Variants in ZFHX3 observed in about 807,000 individuals in gnomAD.
The protein encoded by ZFHX3 is zinc finger homeobox 3, also known as zinc finger homeobox protein 3.
Under a neutral mutation model 279.1 loss-of-function variants are expected in ZFHX3, and 42 were observed. That is an observed-to-expected ratio of 0.15 (90% CI 0.12 to 0.19). ZFHX3 has a LOEUF of 0.19. Among genes scored for constraint, ZFHX3 ranks in the 10% least tolerant of loss-of-function variants. ZFHX3 has a pLI of 1.00. For missense variants in ZFHX3, 4,981 were observed against 4,754.0 expected (o/e 1.05, Z -1.40); for synonymous variants, 2,293 against 1,957.8 (o/e 1.17, Z -4.52).
chr16:72,882,187 T>C (rs891644774), intron 4 of ZFHX3, among the ~76,000 whole-genome samples: 4 of 150,220 alleles, frequency 2.7e-5, no homozygotes, highest in Non-Finnish European at 4.4e-5. Flanking sequence ...TTTTTTTTTT[T>C]TTTTGCTGTG....
intron 3 of ZFHX3, among the ~76,000 whole-genome samples, chr16:73,455,512 A>C (rs960872171): frequency 2.6e-5 from 4 of 152,124 alleles, no homozygotes; most frequent in Non-Finnish European, 4.4e-5. Flanking sequence ...CTGAAGAGAG[A>C]CCCAGGATGT....
intron 1 of ZFHX3, among the ~76,000 whole-genome samples, chr16:73,770,408 G>A (rs537186971): frequency 6.6e-6 from 1 of 152,286 alleles, no homozygotes; most frequent in East Asian, 1.9e-4. Context: ...CTAAAGTCCA[G>A]AACTATATAA....
chr16:73,695,319 T>G (rs1316178916), intron 1 of ZFHX3, among the ~76,000 whole-genome samples: 1 of 148,622 alleles, frequency 6.7e-6, no homozygotes, highest in Non-Finnish European at 1.5e-5. Context: ...CACTGCAACC[T>G]CCACCTCCCC....
intron 3 of ZFHX3, among the ~76,000 whole-genome samples, chr16:73,327,386 A>T (rs2015711921): frequency 6.6e-6 from 1 of 152,160 alleles, no homozygotes; most frequent in Non-Finnish European, 1.5e-5. Flanking sequence ...TACCCTTCAA[A>T]GAGTCAGTCC....
chr16:73,202,385 A>G (rs2011637934), intron 5 of ZFHX3, among the ~76,000 whole-genome samples: 1 of 152,260 alleles, frequency 6.6e-6, no homozygotes, highest in African/African-American at 2.4e-5. Context: ...GAAGAGAAAT[A>G]TGAAGCCTGA....
intron 7 of ZFHX3, among the ~76,000 whole-genome samples, chr16:73,115,603 C>T (rs1966423046): frequency 1.3e-5 from 2 of 152,126 alleles, no homozygotes; most frequent in African/African-American, 4.8e-5. Flanking sequence ...CTTCTAGCAT[C>T]TCCTTGCTTC....
chr16:73,295,170 G>T (rs1412402111), intron 4 of ZFHX3, among the ~76,000 whole-genome samples: 1 of 152,128 alleles, frequency 6.6e-6, no homozygotes, highest in African/African-American at 2.4e-5. Flanking sequence ...AGCTGAGATC[G>T]CGCCACTGCA....
intron 3 of ZFHX3, among the ~76,000 whole-genome samples, chr16:72,917,595 C>G (rs2039473493): frequency 6.6e-6 from 1 of 152,110 alleles, no homozygotes; most frequent in Non-Finnish European, 1.5e-5. Flanking sequence ...CTAGTGACAT[C>G]CAAAAAAGGT....
intron 1 of ZFHX3, among the ~76,000 whole-genome samples, chr16:73,747,383 C>CA (rs1212301266): frequency 6.6e-6 from 1 of 151,798 alleles, no homozygotes; most frequent in Non-Finnish European, 1.5e-5. Flanking sequence ...ACTCTATCTC[C>CA]AAAAAAGAAA....
Position 73,156,211 on chromosome 16 carries a change from G to A in ZFHX3, c.-1103-12380C>T, listed in dbSNP as rs560253366. Among the ~76,000 whole-genome samples the A allele has an allele frequency of 4.6e-5, 6 of 131,238 alleles. No homozygotes were observed. In the East Asian group the frequency reaches 8.8e-4, roughly 19 times the overall value. 86.1% of individuals were successfully genotyped at this position (131,238 alleles called of 152,430 possible). Reference sequence around the variant, plus strand: ...CGCACCACTGCACTCCAGCCTGGGCGACAGAGTGAGACTCCCTCTCAAAAA... The same window carrying A: ...CGCACCACTGCACTCCAGCCTGGGCAACAGAGTGAGACTCCCTCTCAAAAA... On this transcript the variant is annotated intron_variant, in intron 5 of 17. Transcript: ENST00000641206.
intron 1 of ZFHX3, among the ~76,000 whole-genome samples, chr16:73,713,562 T>A (rs2053385459): frequency 2.0e-5 from 3 of 151,796 alleles, no homozygotes; most frequent in Admixed American, 2.0e-4. Flanking sequence ...CCAGACAGCT[T>A]TCAAAGTACC....
chr16:73,704,880 T>G (rs143070002), intron 1 of ZFHX3, among the ~76,000 whole-genome samples: 13 of 152,316 alleles, frequency 8.5e-5, no homozygotes, highest in African/African-American at 2.9e-4. Context: ...GAAGCTCAAG[T>G]ACTTATTTAC....
At chr16:73,447,460 C>T (rs567135257) in intron 3 of ZFHX3, among the ~76,000 whole-genome samples, 8 of 152,150 alleles carry the variant, frequency 5.3e-5, no homozygotes, top group African/African-American at 1.2e-4. Context: ...CCCCACAGTT[C>T]GGAGAAAAGC....
At chr16:73,716,331 A>G (rs759792783) in intron 1 of ZFHX3, among the ~76,000 whole-genome samples, 2 of 152,162 alleles carry the variant, frequency 1.3e-5, no homozygotes, top group Non-Finnish European at 2.9e-5. Context: ...GCCCAAATAT[A>G]CAAGATTGTT....
intron 3 of ZFHX3, among the ~76,000 whole-genome samples, chr16:72,928,330 G>A (rs571243650): frequency 7.1e-6 from 1 of 141,150 alleles, no homozygotes; most frequent in South Asian, 2.2e-4. Context: ...AATGGCTTGG[G>A]TTGGTCCCAA....
chr16:73,668,916 G>C (rs2052873209), intron 2 of ZFHX3, among the ~76,000 whole-genome samples: 1 of 152,106 alleles, frequency 6.6e-6, no homozygotes, highest in Admixed American at 6.5e-5. Flanking sequence ...ATGCTGGAGA[G>C]GATATGGAGA....
intron 5 of ZFHX3, among the ~76,000 whole-genome samples, chr16:73,206,841 A>C (rs1031652732): frequency 1.6e-4 from 25 of 151,924 alleles, no homozygotes; most frequent in Admixed American, 5.3e-4. Context: ...AACATGGTGA[A>C]ACCCCATTTC....
chr16:73,571,249 G>A (rs1242605044), intron 2 of ZFHX3, among the ~76,000 whole-genome samples: 2 of 151,606 alleles, frequency 1.3e-5, no homozygotes, highest in Admixed American at 6.6e-5. Flanking sequence ...TTCCTCATTC[G>A]CAGCATCTAG....
intron 2 of ZFHX3, among the ~76,000 whole-genome samples, chr16:73,627,199 C>G (rs1412860127): frequency 2.0e-5 from 3 of 152,122 alleles, no homozygotes; most frequent in Non-Finnish European, 4.4e-5. Flanking sequence ...CAGATGTAGG[C>G]AATAGCAAAC....
Sources: allele counts gnomAD v4.1 joint callset (sites outside exome capture counted in the v4.1 genomes callset), GRCh38; gene constraint gnomAD v4.1.1; transcripts MANE v1.5; gene names NCBI Gene and HGNC (gene_info 2026-07-23, HGNC 2026-07-21).